The following PARP4 variants were observed in gnomAD, a reference collection of about 807,000 sequenced individuals.
PARP4 encodes protein mono-ADP-ribosyltransferase PARP4.
Under a neutral mutation model 187.7 loss-of-function variants are expected in PARP4, and 120 were observed. The observed-to-expected ratio is 0.64, with a 90% CI of 0.55 to 0.74. The LOEUF is 0.74. PARP4 is among the 30% of genes least tolerant of loss of function. The pLI is 0.00. For missense variants in PARP4, 1,836 were observed against 2,070.5 expected (o/e 0.89, Z 2.20); for synonymous variants, 654 against 740.9 (o/e 0.88, Z 1.90).
intron 2 of PARP4, among the ~76,000 whole-genome samples, chr13:24,502,441 C>T (rs924014500): frequency 1.1e-4 from 17 of 152,252 alleles, no homozygotes; most frequent in African/African-American, 4.1e-4. Flanking sequence ...CCCAGTTCCT[C>T]TCTGCAGAGG....
intron 17 of PARP4, among the ~76,000 whole-genome samples, chr13:24,468,652 C>T (rs547733299): frequency 1.3e-5 from 2 of 152,296 alleles, no homozygotes; most frequent in African/African-American, 4.8e-5. Context: ...GATATGCCCA[C>T]CTCAGCCTCC....
At chr13:24,511,222 C>G (rs1336874584) in intron 1 of PARP4, among the ~76,000 whole-genome samples, 1 of 152,208 alleles carries the variant, frequency 6.6e-6, no homozygotes, top group Non-Finnish European at 1.5e-5. Context: ...TCCACAGATT[C>G]ATCTCTAGTC....
At chr13:24,480,031 G>A (rs6416354) in intron 12 of PARP4, among the ~76,000 whole-genome samples, 35,203 of 151,834 alleles carry the variant, frequency 0.23, 4,498 homozygotes, top group African/African-American at 0.34. Context: ...GCGAGACCAC[G>A]AACCCACCAG....
chr13:24,460,052 G>A lies in PARP4; in HGVS notation c.2218C>T (p.Leu740=), dbSNP rs903117142. The change falls in exon 18 of 34, where the codon CTG becomes TTG. Residue 740 remains leucine, a synonymous_variant. Transcript: ENST00000381989. ...ATGAAAAAGACACCAACAGTGCCCAGGATGCTGAGTTCTGTGATGTAGGTA... is the reference window on the plus strand; with the variant it reads ...ATGAAAAAGACACCAACAGTGCCCAAGATGCTGAGTTCTGTGATGTAGGTA... ...KITYITELSI[L]GTVGVFFMPA... is the part of the protein sequence containing the mutation. The A allele has an allele frequency of 2.5e-6, 4 of 1,614,024 alleles. No homozygotes were observed. The highest frequency in any genetic ancestry group is 2.2e-5 in the East Asian group (1 of 44,868).
chr13:24,506,830 C>T (rs1869715277), intron 1 of PARP4, among the ~76,000 whole-genome samples: 1 of 152,228 alleles, frequency 6.6e-6, no homozygotes, highest in Non-Finnish European at 1.5e-5. Flanking sequence ...CACTCCTCAG[C>T]CCTTGGGTGG....
chr13:24,483,213 G>A (rs547325187), intron 12 of PARP4, among the ~76,000 whole-genome samples: 10 of 151,726 alleles, frequency 6.6e-5, no homozygotes, highest in East Asian at 3.9e-4. Flanking sequence ...TTGGCCGGGC[G>A]CGGTGGCTCA....
At chr13:24,486,678 G>T (rs112751261) in intron 10 of PARP4, among the ~76,000 whole-genome samples, 4 of 152,148 alleles carry the variant, frequency 2.6e-5, no homozygotes, top group Non-Finnish European at 4.4e-5. Context: ...CTGGCTGGGC[G>T]CAATGGCTCA....
chr13:24,467,017 C>A (rs1446291053), intron 17 of PARP4, among the ~76,000 whole-genome samples: 1 of 152,068 alleles, frequency 6.6e-6, no homozygotes. Flanking sequence ...CAGAAACTCA[C>A]AGATTGGATA....
chr13:24,484,907 G>A (rs1478306598), intron 11 of PARP4, among the ~76,000 whole-genome samples, 159 bp from the exon 12 acceptor site: 2 of 152,188 alleles, frequency 1.3e-5, no homozygotes, highest in Non-Finnish European at 1.5e-5. Context: ...GGAAATTTCT[G>A]CCTTTTATTA....
intron 12 of PARP4, among the ~76,000 whole-genome samples, chr13:24,480,302 CTCCT>C (rs1232837668): frequency 1.3e-5 from 2 of 152,226 alleles, no homozygotes; most frequent in East Asian, 3.9e-4. Context: ...CATCTCTCTC[CTCCT>C]TCTCTGGCCT....
intron 1 of PARP4, among the ~76,000 whole-genome samples, chr13:24,507,804 A>G (rs758813759): frequency 2.0e-5 from 3 of 152,188 alleles, no homozygotes; most frequent in Admixed American, 6.5e-5. Flanking sequence ...GGCTTTTTCT[A>G]AAGGAGGAAG....
chr13:24,490,794 T>C lies in PARP4; in HGVS notation c.1088A>G (p.Asn363Ser), dbSNP rs372291695. Residue 363 changes from asparagine (N) to serine (S), a missense_variant, in exon 10 of 34, where the codon AAT becomes AGT. Coordinates refer to ENST00000381989, the MANE Select transcript of PARP4 (RefSeq NM_006437.4). ...GGATGGTGGGTTGGGTTTGGACAAA[T>C]TAGTTTCACAGACATTAACCATGTC... ...IRDMVNVCETNLSKPNPPSLA... is the reference protein window; with the variant it reads ...IRDMVNVCETSLSKPNPPSLA... 3.0e-4 allele frequency: 481 copies of C among 1,613,992 alleles called. No homozygotes were observed. The highest frequency in any genetic ancestry group is 3.8e-4 in the Non-Finnish European group (444 of 1,180,002).
chr13:24,494,782 A>G (rs1279891595), intron 6 of PARP4, 60 bp from the exon 7 acceptor site: 4 of 1,197,224 alleles, frequency 3.3e-6, no homozygotes, highest in Non-Finnish European at 4.7e-6. Flanking sequence ...GCTTTATTGA[A>G]CATAAATAAA....
chr13:24,488,539 A>G (rs1387401029), intron 10 of PARP4, among the ~76,000 whole-genome samples: 1 of 151,794 alleles, frequency 6.6e-6, no homozygotes, highest in Non-Finnish European at 1.5e-5. Context: ...TTTTTAGTTG[A>G]GACAGGGTTT....
intron 9 of PARP4, among the ~76,000 whole-genome samples, chr13:24,492,033 C>T (rs577271241): frequency 6.6e-6 from 1 of 152,252 alleles, no homozygotes; most frequent in African/African-American, 2.4e-5. Context: ...CACTGAGTCT[C>T]GGGGTGACCT....
rs574759604 is a variant in PARP4, at chr13:24,494,009, G to A, written c.742-276C>T. On this transcript the variant is annotated intron_variant, in intron 7 of 33. Coordinates refer to ENST00000381989, the MANE Select transcript of PARP4 (RefSeq NM_006437.4). The stretch of plus-strand genomic sequence containing the variant: ...GGCCTGTCAGTAGTAGTCAACACAC[G>A]AAGTCAGGATTAAGGACCCTTGACT... Among the ~76,000 whole-genome samples, 43 of 152,036 alleles carry A rather than the reference G, an allele frequency of 2.8e-4. No homozygotes were observed. The South Asian group carries it at 8.9e-3, about 32-fold the overall frequency.
chr13:24,505,302 T>C, intron 1 of PARP4, among the ~76,000 whole-genome samples: 1 of 152,044 alleles, frequency 6.6e-6, no homozygotes, highest in Non-Finnish European at 1.5e-5. Context: ...TAAGGGTACT[T>C]ATAGGTATGG....
chr13:24,454,377 T>G (rs73460722), intron 22 of PARP4, among the ~76,000 whole-genome samples: 8,164 of 152,192 alleles, frequency 0.054, 713 homozygotes, highest in African/African-American at 0.18. Context: ...TCTGCTGGAT[T>G]GCACAGAGGA....
At chr13:24,499,764 C>T (rs1320656968) in intron 4 of PARP4, among the ~76,000 whole-genome samples, 2 of 152,208 alleles carry the variant, frequency 1.3e-5, no homozygotes, top group Non-Finnish European at 2.9e-5. Context: ...CCATTCCTCT[C>T]TAAAATAAAG....
Sources: gnomAD v4.1 joint callset for allele counts (sites outside exome capture counted in the v4.1 genomes callset) on GRCh38, gnomAD v4.1.1 for gene constraint, MANE v1.5 for transcripts, NCBI Gene and HGNC (gene_info 2026-07-23, HGNC 2026-07-21) for gene names.